Variants in ATP2C1 observed in about 807,000 individuals in gnomAD.
The protein encoded by ATP2C1 is ATPase secretory pathway Ca2+ transporting 1.
Under a neutral mutation model 120.5 loss-of-function variants are expected in ATP2C1, and 31 were observed. The ratio of observed to expected loss-of-function variants is 0.26; its 90% CI spans 0.19 to 0.35. ATP2C1 has a LOEUF of 0.35. ATP2C1 is among the 10% of genes least tolerant of loss of function. ATP2C1 has a pLI of 1.00. For synonymous variants in ATP2C1, 351 were observed against 358.7 expected (o/e 0.98, Z 0.24); for missense variants, 731 against 1,107.5 (o/e 0.66, Z 4.83).
chr3:130,958,054 A>G (rs995692319), intron 11 of ATP2C1, among the ~76,000 whole-genome samples: 1 of 152,160 alleles, frequency 6.6e-6, no homozygotes, highest in African/African-American at 2.4e-5. Flanking sequence ...GATAGATCGA[A>G]TGACATTCTA....
intron 2 of ATP2C1, among the ~76,000 whole-genome samples, chr3:130,920,166 C>T (rs1222269229): frequency 6.6e-6 from 1 of 152,140 alleles, no homozygotes; most frequent in Admixed American, 6.5e-5. Context: ...GTTTCTTTTG[C>T]TGCGTAGAAG....
chr3:130,936,385 T>C (rs1343954438), intron 5 of ATP2C1, among the ~76,000 whole-genome samples: 16 of 152,230 alleles, frequency 1.1e-4, no homozygotes, highest in Admixed American at 1.0e-3. Context: ...TGGATTTCGA[T>C]ATAATAGATT....
rs2068955970 is a variant in ATP2C1, at chr3:130,885,819, GCTTA to G, written c.108+34894_108+34897del. Among the ~76,000 whole-genome samples, 3 of 151,968 alleles carry G rather than the reference GCTTA, an allele frequency of 2.0e-5. No individual in the cohort carries two copies. In the South Asian group the frequency reaches 6.2e-4, roughly 32 times the overall value. ...TATAATATTCTCTGATTTTCTATGTGCTTACTATTACCAGCGAGTTTGTACATAT... is the reference window on the plus strand; with the variant it reads ...TATAATATTCTCTGATTTTCTATGTGCTATTACCAGCGAGTTTGTACATAT... On this transcript the variant is annotated intron_variant, in intron 1 of 26. Coordinates refer to the ATP2C1 transcript ENST00000504381.
At chr3:130,882,484 A>G (rs2068816631) in intron 1 of ATP2C1, among the ~76,000 whole-genome samples, 2 of 152,236 alleles carry the variant, frequency 1.3e-5, no homozygotes, top group African/African-American at 4.8e-5. Flanking sequence ...TACAGACGTG[A>G]GCCACCATGC....
intron 2 of ATP2C1, among the ~76,000 whole-genome samples, chr3:130,900,554 G>A (rs2057770772): frequency 6.6e-6 from 1 of 152,080 alleles, no homozygotes; most frequent in African/African-American, 2.4e-5. Flanking sequence ...GAAATATTTA[G>A]GATGTCACTC....
intron 12 of ATP2C1, chr3:130,962,777 T>C (rs1057505956): frequency 6.7e-6 from 1 of 150,228 alleles, no homozygotes; most frequent in Non-Finnish European, 1.5e-5. Flanking sequence ...ACTAGGAACA[T>C]TCTCTTTGAG....
At chr3:130,895,653 T>C (rs2069556478) in intron 2 of ATP2C1, among the ~76,000 whole-genome samples, 2 of 152,220 alleles carry the variant, frequency 1.3e-5, no homozygotes, top group South Asian at 4.1e-4. Flanking sequence ...TGGTATAATT[T>C]GTTTTAAAAA....
intron 9 of ATP2C1, 79 bp from the exon 10 acceptor site, chr3:130,954,933 G>A: frequency 1.0e-6 from 1 of 973,298 alleles, no homozygotes; most frequent in Non-Finnish European, 1.7e-6. Flanking sequence ...GACTTTGAAA[G>A]TTGTTGGATG....
intron 26 of ATP2C1, chr3:131,014,290 G>T: frequency 2.5e-6 from 4 of 1,613,974 alleles, no homozygotes; most frequent in Non-Finnish European, 3.4e-6. Context: ...TATTCATAAA[G>T]TTGCTTAGCC....
At chr3:130,880,764 T>A (rs1359103274) in intron 1 of ATP2C1, among the ~76,000 whole-genome samples, 1 of 152,232 alleles carries the variant, frequency 6.6e-6, no homozygotes, top group Non-Finnish European at 1.5e-5. Flanking sequence ...GTGGGACTAG[T>A]GGTCTGTTTG....
rs540824307 is a variant in ATP2C1, at chr3:130,982,466, C to G, written c.1839+1787C>G. ...CCTATCAAAGCCTGGTTTGTGGATA[C>G]CCAGGTCCCATAGGAAGTGCCCCAT... is the stretch of plus-strand genomic sequence containing the variant. On this transcript the variant is annotated intron_variant, in intron 20 of 27. Coordinates refer to ENST00000510168, the MANE Select transcript of ATP2C1 (RefSeq NM_001378687.1). Among the ~76,000 whole-genome samples the G allele has an allele frequency of 1.2e-4, 19 of 152,260 alleles. 1 individual carries two copies. In the South Asian group the frequency reaches 3.9e-3, roughly 32 times the overall value.
Position 130,894,308 on chromosome 3 carries a change from A to G in ATP2C1, c.-210A>G, listed in dbSNP as rs2069378066. 2 of 987,110 alleles carry G rather than the reference A, an allele frequency of 2.0e-6. No individual in the cohort carries two copies. Among genetic ancestry groups the G allele is most frequent in the South Asian group, 4.6e-5 (1 of 21,640 alleles). 61.1% of individuals were successfully genotyped at this position (987,110 alleles called of 1,614,324 possible). On this transcript the variant is annotated 5_prime_UTR_variant, in exon 1 of 28. Transcript: ENST00000510168. The surrounding 1 kb of genome is among the most constrained non-coding windows in gnomAD (Gnocchi z 4.5). ...GCGAGCCCCGCGGCTGAGACCCCGC[A>G]GCCTGGAGGAGGGCTGTCCGGGGCT... is the stretch of plus-strand genomic sequence containing the variant.
chr3:130,937,018 AT>A (rs34589200), intron 5 of ATP2C1, among the ~76,000 whole-genome samples: 68,514 of 151,882 alleles, frequency 0.45, 18,340 homozygotes, highest in Middle Eastern at 0.63. Flanking sequence ...TTTTCTCACA[AT>A]TTTTTTGGAA....
intron 3 of ATP2C1, among the ~76,000 whole-genome samples, chr3:130,931,330 AG>A (rs1193789441): frequency 3.9e-5 from 6 of 152,104 alleles, no homozygotes; most frequent in Non-Finnish European, 8.8e-5. Context: ...TGAAGGATGT[AG>A]GTAGTGTTTA....
chr3:130,941,320 G>T (rs2059910503), intron 7 of ATP2C1, among the ~76,000 whole-genome samples: 1 of 151,918 alleles, frequency 6.6e-6, no homozygotes, highest in Admixed American at 6.5e-5. Context: ...GCAAGTGTGT[G>T]CTAAGCCCTG....
chr3:130,977,566 T>C (rs943505548), intron 18 of ATP2C1, among the ~76,000 whole-genome samples: 2 of 152,202 alleles, frequency 1.3e-5, no homozygotes, highest in African/African-American at 4.8e-5. Flanking sequence ...TCCCTCTTTT[T>C]GTTAGTTTCT....
upstream of ATP2C1, among the ~76,000 whole-genome samples, chr3:130,889,638 C>CTT (rs1170424148): frequency 0.037 from 2,837 of 77,490 alleles, 195 homozygotes; most frequent in African/African-American, 0.12. Flanking sequence ...ATTCTTTAAA[C>CTT]TTTTTTTTTT....
At chr3:130,948,475 CTT>C (rs1248726873) in intron 8 of ATP2C1, among the ~76,000 whole-genome samples, 3 of 151,826 alleles carry the variant, frequency 2.0e-5, no homozygotes, top group East Asian at 3.8e-4. Flanking sequence ...AAGATTCTGT[CTT>C]TATCTTTCAA....
chr3:130,940,905 A>ATTTTT (rs749879416), intron 7 of ATP2C1, among the ~76,000 whole-genome samples: 1,643 of 86,060 alleles, frequency 0.019, 202 homozygotes, highest in African/African-American at 0.05. Context: ...TATTTAACAG[A>ATTTTT]TTTTTTTTTT....
Sources: allele counts gnomAD v4.1 joint callset (sites outside exome capture counted in the v4.1 genomes callset), GRCh38; gene constraint gnomAD v4.1.1; non-coding constraint Gnocchi (gnomAD v3.1); transcripts MANE v1.5; gene names NCBI Gene and HGNC (gene_info 2026-07-23, HGNC 2026-07-21).